The following AKT1S1 variants were observed in gnomAD, a reference collection of about 807,000 sequenced individuals.
AKT1S1 encodes AKT1 substrate 1.
In AKT1S1, 17 loss-of-function variants were observed where a neutral mutation model predicts 21.2. That is an observed-to-expected ratio of 0.80 (90% CI 0.55 to 1.20). The LOEUF is 1.20. Among genes scored for constraint, AKT1S1 ranks in the 50% most tolerant of loss-of-function variants. AKT1S1 has a pLI of 0.00. For missense variants in AKT1S1, 366 were observed against 368.3 expected (o/e 0.99, Z 0.05); for synonymous variants, 181 against 165.6 (o/e 1.09, Z -0.72).
chr19:49,873,106 C>G lies in AKT1S1; in HGVS notation c.190G>C (p.Asp64His). ...GCAGCCCTGTGGGCCAGTGCGATGT[C>G]GTGGAGGCAACGGCGCGCTGCCTCC... The part of the protein sequence containing the change: ...LAEAARRCLH[D>H]IALAHRAATA... Residue 64 changes from aspartate to histidine, a missense_variant, in exon 2 of 5, where the codon GAC becomes CAC. Physicochemically the swap from Asp to His is moderately conservative, Grantham distance 81. Transcript: ENST00000344175. This position sits in a 1 kb window ranked among gnomAD's most constrained non-coding sequence, Gnocchi z 6.9. 6.5e-7 allele frequency: 1 copy of G among 1,546,984 alleles called. No homozygotes were observed. Among genetic ancestry groups the G allele is most frequent in the Non-Finnish European group, 8.7e-7 (1 of 1,149,456 alleles).
upstream of AKT1S1, chr19:49,878,081 T>G: frequency 1.4e-6 from 2 of 1,384,310 alleles, no homozygotes; most frequent in Non-Finnish European, 9.9e-7. Flanking sequence ...CCCGTCCCTA[T>G]TGGCTCCCCA....
intron 1 of AKT1S1, chr19:49,876,728 C>A: frequency 7.2e-7 from 1 of 1,396,600 alleles, no homozygotes; most frequent in Non-Finnish European, 9.4e-7. Flanking sequence ...TTATCGGGGC[C>A]GCCCGAGATC....
intron 1 of AKT1S1, chr19:49,874,343 GCT>G (rs983343320): frequency 1.3e-5 from 2 of 152,296 alleles, no homozygotes; most frequent in African/African-American, 4.8e-5. Context: ...TGCTGGCGCT[GCT>G]CTCTGTGCTG....
rs371175624 is a variant in AKT1S1 at position 49,873,017 on chromosome 19, T to C, written c.279A>G (p.Pro93=). 8 of 1,567,860 alleles carry C rather than the reference T, an allele frequency of 5.1e-6. No homozygotes were observed. The highest frequency in any genetic ancestry group is 6.9e-6 in the Non-Finnish European group (8 of 1,157,608). Residue 93 remains proline, a synonymous_variant, in exon 2 of 5, where the codon CCA becomes CCG. Transcript: ENST00000344175. This position sits in a 1 kb window ranked among gnomAD's most constrained non-coding sequence, Gnocchi z 6.9. ...CCTCTCTGGCCAGGGTAGGCCGGGGTGGGCTGGGTGTGGGACTGGGTGGCT... is the reference window on the plus strand; with the variant it reads ...CCTCTCTGGCCAGGGTAGGCCGGGGCGGGCTGGGTGTGGGACTGGGTGGCT... ...APQPPSPTPS[P]PRPTLAREDN...
upstream of AKT1S1, chr19:49,877,596 G>A: frequency 2.0e-6 from 2 of 991,530 alleles, no homozygotes; most frequent in Non-Finnish European, 2.9e-6. Context: ...GGTTTCACCC[G>A]CTCCTTCTCT....
At chr19:49,877,149 G>A (rs1008606240) in intron 1 of AKT1S1, 88 bp downstream of exon 1, 32 of 162,428 alleles carry the variant, frequency 2.0e-4, no homozygotes, top group Non-Finnish European at 3.4e-4. Flanking sequence ...AAATTCGTCC[G>A]GGGCCGCTTC....
At chr19:49,876,843 C>T (rs893759102) in intron 1 of AKT1S1, 1 of 553,834 alleles carries the variant, frequency 1.8e-6, no homozygotes, top group Non-Finnish European at 2.9e-6. Context: ...TTGCCCCCAA[C>T]AATAATGGCC....
rs545076320 is a variant in AKT1S1, at chr19:49,876,372, G to A, written c.-8+865C>T. Reference sequence around the variant, plus strand: ...TCCACGGCCCAGGTAGAGATCCCAGGCGCTCTGGAACCGCAAGGTGAGACT... The same window carrying A: ...TCCACGGCCCAGGTAGAGATCCCAGACGCTCTGGAACCGCAAGGTGAGACT... On this transcript the variant is annotated intron_variant, in intron 1 of 4. Transcript: ENST00000344175. 8.5e-6 allele frequency: 10 copies of A among 1,179,308 alleles called. No individual in the cohort carries two copies. The South Asian group carries it at 1.2e-4, about 14-fold the overall frequency. 73.1% of individuals were successfully genotyped at this position (1,179,308 alleles called of 1,614,324 possible).
upstream of AKT1S1, chr19:49,878,136 A>C (rs1331140085): frequency 2.5e-6 from 4 of 1,571,250 alleles, no homozygotes; most frequent in Admixed American, 5.6e-5. Flanking sequence ...GGTTCCCCCC[A>C]ACTCAGGTGG....
upstream of AKT1S1, chr19:49,877,560 A>C: frequency 1.5e-6 from 1 of 653,636 alleles, no homozygotes. Flanking sequence ...TCGAGGTTCC[A>C]GTGGAATAAC....
chr19:49,878,157 G>A (rs202194413), upstream of AKT1S1: 13 of 1,578,362 alleles, frequency 8.2e-6, no homozygotes, highest in Admixed American at 2.2e-4. Flanking sequence ...TGTTTGAGAA[G>A]GGCGGAGTGT....
At position 49,871,802 on chromosome 19, in the gene AKT1S1, G is replaced by GGAC; in HGVS notation, c.457+7_457+9dup. 6.2e-7 allele frequency: 1 copy of GGAC among 1,612,432 alleles called. No individual in the cohort carries two copies. The highest frequency in any genetic ancestry group is 8.5e-7 in the Non-Finnish European group (1 of 1,179,412). On this transcript the variant is annotated intron_variant, in intron 3 of 4. Transcript: ENST00000344175. ...CTCAGGTCGGGAGGGGAACAGCCTG[G>GGAC]GACACTCACCATCTGTACTCTCGGG...
chr19:49,877,978 A>C (rs1016853605), upstream of AKT1S1: 1 of 708,168 alleles, frequency 1.4e-6, no homozygotes, highest in African/African-American at 1.9e-5. Context: ...AACGCACGTC[A>C]GCATCCGAAC....
intron 1 of AKT1S1, chr19:49,876,511 C>T: frequency 2.1e-6 from 3 of 1,433,634 alleles, no homozygotes; most frequent in Middle Eastern, 1.8e-4. Flanking sequence ...GGCCATACCC[C>T]TCCCGTGAGC....
rs557189743 is a variant in AKT1S1, at chr19:49,873,200, G to C, written c.96C>G (p.Thr32=). 3.3e-6 allele frequency: 5 copies of C among 1,530,686 alleles called. No individual in the cohort carries two copies. In the African/African-American group the frequency reaches 6.9e-5, roughly 21 times the overall value. The allele number at this position is 1,530,686 out of a possible 1,614,324, so 94.8% of individuals were successfully genotyped here. A position where few individuals can be genotyped will look rare whatever the true frequency, so the allele number is the denominator to read the frequency against. ...ARTGTELVLL[T]AAPPPPPRPG... ...GGCGGGGTGGTGGCGGCGGGGCCGC[G>C]GTCAGCAGCACCAGCTCCGTGCCAG... Residue 32 remains threonine (T), a synonymous_variant, in exon 2 of 5, where the codon ACC becomes ACG. Coordinates refer to ENST00000344175, the MANE Select transcript of AKT1S1 (RefSeq NM_001098633.4). This position sits in a 1 kb window ranked among gnomAD's most constrained non-coding sequence, Gnocchi z 6.9.
At position 49,873,260 on chromosome 19, in the gene AKT1S1, G is replaced by T; in HGVS notation, c.36C>A (p.Ala12=). 6.5e-7 allele frequency: 1 copy of T among 1,533,724 alleles called. No individual in the cohort carries two copies. The highest frequency in any genetic ancestry group is 1.9e-5 in the Admixed American group (1 of 52,210). ...ASGRPEELWE[A]VVGAAERFRA... ...GGAAGCGCTCAGCGGCCCCCACCAC[G>T]GCCTCCCACAGCTCCTCGGGGCGCC... Residue 12 remains alanine (A), a synonymous_variant, in exon 2 of 5, where the codon GCC becomes GCA. Coordinates refer to ENST00000344175, the MANE Select transcript of AKT1S1 (RefSeq NM_001098633.4). The surrounding 1 kb of genome is among the most constrained non-coding windows in gnomAD (Gnocchi z 6.9).
In AKT1S1 at chr19:49,869,985, C is replaced by T; in HGVS notation, c.703G>A (p.Val235Ile). ...LVLREAEDTQ[V>I]FGDLPRPRLN... ...CGCGGCCGTGGCAGGTCCCCGAAGA[C>T]CTGGGTGTCCTCGGCCTCTCGCAGC... is the stretch of plus-strand genomic sequence containing the variant. The change falls in exon 5 of 5, where the codon GTC becomes ATC. Residue 235 changes from valine to isoleucine, a missense_variant. By Grantham distance (29) the Val-to-Ile change is conservative. Coordinates refer to ENST00000344175, the MANE Select transcript of AKT1S1 (RefSeq NM_001098633.4). The T allele has an allele frequency of 6.5e-7, 1 of 1,547,646 alleles. No homozygotes were observed. Among genetic ancestry groups the T allele is most frequent in the Non-Finnish European group, 8.7e-7 (1 of 1,144,024 alleles).
In AKT1S1 at chr19:49,871,893, T is replaced by C; in HGVS notation, c.380-4A>G. Reference sequence around the variant, plus strand: ...TCCTCATCCATCACAAAGAGCCCTGTGGATGACCTGAGTTAGAGGCCCAGG... The same window carrying C: ...TCCTCATCCATCACAAAGAGCCCTGCGGATGACCTGAGTTAGAGGCCCAGG... On this transcript the variant is annotated splice_region_variant and splice_polypyrimidine_tract_variant and intron_variant, in intron 2 of 4. Coordinates refer to ENST00000344175, the MANE Select transcript of AKT1S1 (RefSeq NM_001098633.4). The C allele has an allele frequency of 6.2e-7, 1 of 1,613,382 alleles. No homozygotes were observed. Among genetic ancestry groups the C allele is most frequent in the Non-Finnish European group, 8.5e-7 (1 of 1,179,778 alleles).
chr19:49,871,547 C>A lies in AKT1S1; in HGVS notation c.627G>T (p.Pro209=), dbSNP rs199687596. The change falls in exon 4 of 5, where the codon CCG becomes CCT. Residue 209 remains proline, a splice_region_variant and synonymous_variant. Transcript: ENST00000344175. ...CTACCTCCCCACATTTGCCCCTCAC[C>A]GGCCCATTCTCCTCATCTGATGACC... ...EARSSDEENG[P]PSSPDLDRIA... is the part of the protein sequence containing the mutation. 6.2e-7 allele frequency: 1 copy of A among 1,613,852 alleles called. No individual in the cohort carries two copies. The highest frequency in any genetic ancestry group is 8.5e-7 in the Non-Finnish European group (1 of 1,180,018).
Sources: gnomAD v4.1 joint callset for allele counts on GRCh38, gnomAD v4.1.1 for gene constraint, Gnocchi (gnomAD v3.1) non-coding constraint, MANE v1.5 for transcripts, NCBI Gene and HGNC (gene_info 2026-07-23, HGNC 2026-07-21) for gene names.